ACOT11: variants seen among roughly 807,000 people sequenced by gnomAD.
ACOT11 encodes the protein acyl-CoA thioesterase 11.
Under a neutral mutation model 77.5 loss-of-function variants are expected in ACOT11, and 69 were observed. The observed-to-expected ratio is 0.89, with a 90% CI of 0.73 to 1.09. The LOEUF (loss-of-function observed/expected upper bound fraction) is 1.09, where lower values mean the gene tolerates loss of function less well. Ranked by LOEUF, ACOT11 falls within the 50% of genes least tolerant of loss-of-function variation. ACOT11 has a pLI of 0.00. For synonymous variants in ACOT11, 279 were observed against 313.0 expected (o/e 0.89, Z 1.15); for missense variants, 766 against 813.7 (o/e 0.94, Z 0.71).
chr1:54,580,891 G>A (rs897306486), intron 1 of ACOT11, among the ~76,000 whole-genome samples: 15 of 152,222 alleles, frequency 9.9e-5, no homozygotes, highest in Admixed American at 1.3e-4. Flanking sequence ...GGTGGAAGTG[G>A]CACCTTCATG....
At chr1:54,555,123 C>G (rs1049792498) in intron 1 of ACOT11, among the ~76,000 whole-genome samples, 1 of 152,140 alleles carries the variant, frequency 6.6e-6, no homozygotes, top group Non-Finnish European at 1.5e-5. Context: ...CCATGCCTGG[C>G]TAATTTTTTG....
Position 54,607,137 on chromosome 1 carries a change from C to T in ACOT11, c.1374C>T (p.Ser458=), listed in dbSNP as rs780956612. The change falls in exon 14 of 16, where the codon AGC becomes AGT. Residue 458 remains serine, a synonymous_variant. Coordinates refer to ENST00000343744, the MANE Select transcript of ACOT11 (RefSeq NM_147161.4). This position sits in a 1 kb window ranked among gnomAD's most constrained non-coding sequence, Gnocchi z 4.5. ...TGAGATCCCGGCCTCCCCACAGGAG[C>T]GTGGAGCTAGTGCAGCAGGTAGACG... The part of the protein sequence containing the change: ...QRPEWDKHYR[S]VELVQQVDED... 33 of 1,613,950 alleles carry T rather than the reference C, an allele frequency of 2.0e-5. No homozygotes were observed. The highest frequency in any genetic ancestry group is 2.5e-5 in the Non-Finnish European group (30 of 1,179,998).
At chr1:54,593,862 G>C (rs1044547253) in intron 4 of ACOT11, 79 bp from the exon 5 acceptor site, 19 of 1,248,664 alleles carry the variant, frequency 1.5e-5, no homozygotes, top group Non-Finnish European at 6.9e-6. Flanking sequence ...GGGACTTGCT[G>C]TCTGGTGGAG....
exon 17 of ACOT11, chr1:54,636,935 GAC>G (rs1013053894): frequency 2.5e-5 from 4 of 159,414 alleles, no homozygotes. Flanking sequence ...ACCCTGAGTT[GAC>G]ACAGCACATG....
At chr1:54,570,680 C>T (rs1000216513) in intron 1 of ACOT11, among the ~76,000 whole-genome samples, 3 of 88,068 alleles carry the variant, frequency 3.4e-5, no homozygotes, top group Non-Finnish European at 7.1e-5. Context: ...CCGTGCCTGG[C>T]CTTTTTTTTT....
At chr1:54,619,056 C>T (rs1644202831) in intron 15 of ACOT11, among the ~76,000 whole-genome samples, 1 of 152,136 alleles carries the variant, frequency 6.6e-6, no homozygotes, top group Admixed American at 6.6e-5. Context: ...CCCTCAGACC[C>T]CAGTTTCCTT....
intron 16 of ACOT11, among the ~76,000 whole-genome samples, chr1:54,633,190 T>C (rs1166868453): frequency 6.6e-6 from 1 of 152,204 alleles, no homozygotes; most frequent in Non-Finnish European, 1.5e-5. Flanking sequence ...TTTAAAATGG[T>C]TAACAGATAA....
chr1:54,549,861 C>T (rs551420743), intron 1 of ACOT11, among the ~76,000 whole-genome samples: 4 of 152,294 alleles, frequency 2.6e-5, no homozygotes, highest in South Asian at 2.1e-4. Context: ...AGGGGCTCCT[C>T]GTATCTTCTC....
In ACOT11 at chr1:54,607,191, C is replaced by T. The variant is rs765854319; in HGVS notation, c.1428C>T (p.Ser476=). 7.4e-6 allele frequency: 12 copies of T among 1,614,092 alleles called. No individual in the cohort carries two copies. In the African/African-American group the frequency reaches 8.0e-5, roughly 11 times the overall value. The change falls in exon 14 of 16, where the codon AGC becomes AGT. Residue 476 remains serine, a synonymous_variant. Coordinates refer to ENST00000343744, the MANE Select transcript of ACOT11 (RefSeq NM_147161.4). The surrounding 1 kb of genome is among the most constrained non-coding windows in gnomAD (Gnocchi z 4.5). Reference sequence around the variant, plus strand: ...ACGACGCCATCTACCACGTCACCAGCCCTGCCCTCGGAGGTCACACAAAGC... The same window carrying T: ...ACGACGCCATCTACCACGTCACCAGTCCTGCCCTCGGAGGTCACACAAAGC... ...DEDDAIYHVT[S]PALGGHTKPQ...
rs1456335667 is a variant in ACOT11 at position 54,609,428 on chromosome 1, G to T, written c.*316G>T. On this transcript the variant is annotated 3_prime_UTR_variant, in exon 16 of 16. Coordinates refer to ENST00000343744, the MANE Select transcript of ACOT11 (RefSeq NM_147161.4). The stretch of plus-strand genomic sequence containing the variant: ...GTGCTCCACTGTGACGGTGGCCCGG[G>T]GGGAGGATGCCAGCAGCCTGCCTAT... 14 of 1,613,774 alleles carry T rather than the reference G, an allele frequency of 8.7e-6. No homozygotes were observed. Among genetic ancestry groups the T allele is most frequent in the East Asian group, 2.2e-5 (1 of 44,898 alleles).
intron 1 of ACOT11, among the ~76,000 whole-genome samples, chr1:54,572,472 C>A (rs889868213): frequency 8.5e-5 from 13 of 152,060 alleles, no homozygotes; most frequent in Admixed American, 8.5e-4. Flanking sequence ...CCTTCACAGC[C>A]CCAGAATGGC....
chr1:54,591,318 ACAGAAGGAAATGGACT>A (rs1654704554), intron 3 of ACOT11, among the ~76,000 whole-genome samples: 2 of 152,152 alleles, frequency 1.3e-5, no homozygotes, highest in Admixed American at 6.5e-5. Context: ...AGTACTTTAC[ACAGAAGGAAATGGACT>A]CAGAGAGGCA....
chr1:54,566,414 G>A (rs974517002), intron 1 of ACOT11, among the ~76,000 whole-genome samples: 1 of 147,308 alleles, frequency 6.8e-6, no homozygotes, highest in African/African-American at 2.5e-5. Flanking sequence ...CCGAGATTGT[G>A]CCACTGCACT....
rs565079719 is a variant in ACOT11 at position 54,627,256 on chromosome 1, G to A, written c.1630-3478G>A. 5.9e-5 allele frequency among the ~76,000 whole-genome samples: 8 copies of A among 135,026 alleles called. No homozygotes were observed. In the South Asian group the frequency reaches 7.3e-4, roughly 12 times the overall value. 88.6% of individuals were successfully genotyped at this position (135,026 alleles called of 152,430 possible). ...CCCTGTCATTCCAACTCCGCGGGCCGTGTGTCACCTGTCCTCCCTGGGAAA... is the reference window on the plus strand; with the variant it reads ...CCCTGTCATTCCAACTCCGCGGGCCATGTGTCACCTGTCCTCCCTGGGAAA... On this transcript the variant is annotated intron_variant, in intron 15 of 16. Coordinates refer to the ACOT11 transcript ENST00000371316.
intron 3 of ACOT11, among the ~76,000 whole-genome samples, chr1:54,586,138 C>T (rs1654492019): frequency 6.6e-6 from 1 of 152,046 alleles, no homozygotes; most frequent in South Asian, 2.1e-4. Flanking sequence ...GTTCCCTCAG[C>T]CAGGGTGTGG....
chr1:54,588,096 TG>T (rs1311453515), intron 3 of ACOT11, among the ~76,000 whole-genome samples: 9 of 151,766 alleles, frequency 5.9e-5, no homozygotes, highest in Non-Finnish European at 1.5e-5. Context: ...CCCAGCTACT[TG>T]GGAGGCTGAG....
chr1:54,555,180 C>T (rs752142511), intron 1 of ACOT11, among the ~76,000 whole-genome samples: 2 of 152,184 alleles, frequency 1.3e-5, no homozygotes, highest in Non-Finnish European at 2.9e-5. Flanking sequence ...AGCCTGGTCT[C>T]GAACTCATAA....
At chr1:54,586,424 CTTTTT>C (rs58908548) in intron 3 of ACOT11, among the ~76,000 whole-genome samples, 2 of 143,328 alleles carry the variant, frequency 1.4e-5, no homozygotes, top group Non-Finnish European at 3.0e-5. Context: ...CTAAAGTAGA[CTTTTT>C]TTTTTTTTTC....
At chr1:54,634,580 C>T (rs1644320260) in intron 16 of ACOT11, 1 of 661,106 alleles carries the variant, frequency 1.5e-6, no homozygotes, top group Non-Finnish European at 2.7e-6. Flanking sequence ...CAGAACAGCC[C>T]ATACACAATT....
Sources: gnomAD v4.1 joint callset for allele counts (sites outside exome capture counted in the v4.1 genomes callset) on GRCh38, gnomAD v4.1.1 for gene constraint, Gnocchi (gnomAD v3.1) non-coding constraint, MANE v1.5 for transcripts, NCBI Gene and HGNC (gene_info 2026-07-23, HGNC 2026-07-21) for gene names.